The following PROS1 variants were observed in gnomAD, a reference collection of about 807,000 sequenced individuals.
The protein encoded by PROS1 is protein S, also known as vitamin K-dependent protein S.
In PROS1, 29 loss-of-function variants were observed where a neutral mutation model predicts 75.9. The ratio of observed to expected loss-of-function variants is 0.38; its 90% confidence interval spans 0.28 to 0.52. The LOEUF (loss-of-function observed/expected upper bound fraction) is 0.52. PROS1 is among the 20% of genes least tolerant of loss of function. The probability of loss-of-function intolerance (pLI) is 0.83; values close to 1 mark genes in which losing one functional copy is unlikely to be tolerated. For synonymous variants in PROS1, 245 were observed against 280.6 expected (o/e 0.87, Z 1.27); for missense variants, 680 against 810.3 (o/e 0.84, Z 1.95).
chr3:93,967,703 T>C (rs1419580649), intron 1 of PROS1, among the ~76,000 whole-genome samples: 4 of 152,092 alleles, frequency 2.6e-5, no homozygotes, highest in Non-Finnish European at 5.9e-5. Context: ...CTGGGAAACA[T>C]AGCAAGATCT....
chr3:93,879,897 G>T (rs1194508669), intron 12 of PROS1, among the ~76,000 whole-genome samples: 4 of 152,128 alleles, frequency 2.6e-5, no homozygotes, highest in South Asian at 4.1e-4. Flanking sequence ...TAGGTTAATT[G>T]TCTATCCCAC....
chr3:93,942,229 C>T (rs8178603), intron 1 of PROS1, among the ~76,000 whole-genome samples: 56,802 of 151,890 alleles, frequency 0.37, 11,688 homozygotes, highest in East Asian at 0.55. Flanking sequence ...CTCCGCAAGC[C>T]GAACTCATTG....
intron 3 of PROS1, among the ~76,000 whole-genome samples, chr3:93,919,060 C>A (rs1447544545): frequency 1.3e-5 from 2 of 152,166 alleles, no homozygotes; most frequent in Non-Finnish European, 2.9e-5. Context: ...GCAACCACCA[C>A]TTTATAATTC....
rs559692012 is a variant in PROS1 at position 93,886,875 on chromosome 3, T to A, written c.1156-372A>T. 2.3e-3 allele frequency among the ~76,000 whole-genome samples: 354 copies of A among 151,926 alleles called. 2 individuals carry two copies. Among genetic ancestry groups the A allele is most frequent in the Non-Finnish European group, 4.5e-3 (307 of 67,950 alleles). On this transcript the variant is annotated intron_variant, in intron 10 of 14. Coordinates refer to ENST00000394236, the MANE Select transcript of PROS1 (RefSeq NM_000313.4). ...GTGGCCTTATTTTGCAATTGTCTGA[T>A]AATACGCACATGGAATCAATAGTGT...
At chr3:93,915,579 C>T (rs534647279) in intron 3 of PROS1, among the ~76,000 whole-genome samples, 17 of 152,338 alleles carry the variant, frequency 1.1e-4, no homozygotes, top group African/African-American at 4.1e-4. Flanking sequence ...TCCCTACAGC[C>T]CTCAGGCATG....
chr3:93,959,637 C>T (rs1202630756), intron 1 of PROS1, among the ~76,000 whole-genome samples: 2 of 152,206 alleles, frequency 1.3e-5, no homozygotes, highest in Non-Finnish European at 2.9e-5. Context: ...AATGCATATT[C>T]TGGATGAGTA....
rs1234102423 is a variant in PROS1 at position 93,874,469 on chromosome 3, G to C, written c.1871-64C>G. On this transcript the variant is annotated intron_variant, in intron 14 of 14. Transcript: ENST00000394236. Reference sequence around the variant, plus strand: ...TTAGCATCTTGTTTGTTTACAGTGAGAGAAGTCATTCAGACTTCCTGTTTC... The same window carrying C: ...TTAGCATCTTGTTTGTTTACAGTGACAGAAGTCATTCAGACTTCCTGTTTC... 2.5e-6 allele frequency: 4 copies of C among 1,587,906 alleles called. No homozygotes were observed. The South Asian group carries it at 3.4e-5, about 14-fold the overall frequency.
chr3:93,915,033 T>G (rs563466738), intron 3 of PROS1, among the ~76,000 whole-genome samples: 71 of 152,358 alleles, frequency 4.7e-4, no homozygotes, highest in African/African-American at 1.6e-3. Flanking sequence ...ACCCTTGGTT[T>G]GCTCTCCTAA....
intron 13 of PROS1, 87 bp from the exon 14 acceptor site, chr3:93,877,278 A>G (rs1708205592): frequency 2.0e-6 from 2 of 988,444 alleles, no homozygotes; most frequent in African/African-American, 1.6e-5. Context: ...AAAGTCAAAA[A>G]CTAAATTTCA....
intron 3 of PROS1, among the ~76,000 whole-genome samples, chr3:93,914,736 C>A (rs1708814778): frequency 6.6e-6 from 1 of 152,056 alleles, no homozygotes; most frequent in African/African-American, 2.4e-5. Context: ...TAAGTAAGTT[C>A]TTTAATAGTG....
intron 1 of PROS1, among the ~76,000 whole-genome samples, chr3:93,940,211 T>G (rs1453449049): frequency 1.3e-5 from 2 of 152,146 alleles, no homozygotes; most frequent in African/African-American, 4.8e-5. Flanking sequence ...CCAGAGCCCC[T>G]GGAACTCTGG....
chr3:93,886,950 C>T (rs1708357310), intron 10 of PROS1, among the ~76,000 whole-genome samples: 1 of 138,378 alleles, frequency 7.2e-6, no homozygotes, highest in African/African-American at 2.7e-5. Context: ...CTCGCTCTGT[C>T]GCCCAGGCCA....
intron 7 of PROS1, among the ~76,000 whole-genome samples, chr3:93,899,996 T>TATAC (rs941512158): frequency 6.6e-6 from 1 of 152,188 alleles, no homozygotes; most frequent in Non-Finnish European, 1.5e-5. Context: ...TGTGTGTGAA[T>TATAC]ATACATACAT....
intron 3 of PROS1, among the ~76,000 whole-genome samples, chr3:93,920,508 T>C (rs1289710011): frequency 1.3e-5 from 2 of 152,182 alleles, no homozygotes; most frequent in East Asian, 3.8e-4. Flanking sequence ...TGGATTTTTA[T>C]AGGAGAGTCA....
chr3:93,955,077 C>A (rs550954607), intron 1 of PROS1, among the ~76,000 whole-genome samples: 4 of 152,304 alleles, frequency 2.6e-5, no homozygotes, highest in African/African-American at 9.6e-5. Flanking sequence ...CAGGAAACAA[C>A]AGGTGCTGGA....
intron 1 of PROS1, among the ~76,000 whole-genome samples, chr3:93,950,141 G>C (rs775864371): frequency 6.6e-6 from 1 of 152,158 alleles, no homozygotes. Flanking sequence ...GGGGAAGCGC[G>C]TCTGCCATTG....
intron 13 of PROS1, among the ~76,000 whole-genome samples, chr3:93,878,252 G>A (rs1176128872): frequency 6.6e-6 from 1 of 152,050 alleles, no homozygotes; most frequent in Non-Finnish European, 1.5e-5. Context: ...AAATCCAAAT[G>A]TAGAAAGCTC....
intron 10 of PROS1, among the ~76,000 whole-genome samples, chr3:93,886,895 T>C (rs8178648): frequency 0.078 from 11,747 of 151,528 alleles, 620 homozygotes; most frequent in African/African-American, 0.15. Context: ...ATGGAATCAA[T>C]AGTGTAAATA....
At chr3:93,928,657 TAAC>T in intron 1 of PROS1, 1 of 778,228 alleles carries the variant, frequency 1.3e-6, no homozygotes, top group Middle Eastern at 3.1e-4. Flanking sequence ...AAAAATAACA[TAAC>T]AAAGTTCAAT....
Sources: allele counts gnomAD v4.1 joint callset (sites outside exome capture counted in the v4.1 genomes callset), GRCh38; gene constraint gnomAD v4.1.1; transcripts MANE v1.5; gene names NCBI Gene and HGNC (gene_info 2026-07-23, HGNC 2026-07-21).